NEIL3: variants seen among roughly 807,000 people sequenced by gnomAD.
NEIL3 encodes the protein nei like DNA glycosylase 3, also known as endonuclease 8-like 3.
NEIL3 carries 48 observed loss-of-function variants against 57.5 expected under a neutral mutation model. The ratio of observed to expected loss-of-function variants is 0.83; its 90% CI spans 0.66 to 1.06. The LOEUF is 1.06. NEIL3 is among the 50% of genes least tolerant of loss of function. The pLI is 0.00. For synonymous variants in NEIL3, 261 were observed against 253.2 expected (o/e 1.03, Z -0.29); for missense variants, 717 against 739.1 (o/e 0.97, Z 0.35).
intron 2 of NEIL3, among the ~76,000 whole-genome samples, chr4:177,328,995 G>A (rs565467077): frequency 4.6e-5 from 7 of 152,146 alleles, no homozygotes; most frequent in South Asian, 2.1e-4. Flanking sequence ...AGTAATATAC[G>A]TTTTGCATAT....
rs1734965641 is a variant in NEIL3 at position 177,335,772 on chromosome 4, G to T, written c.363G>T (p.Val121=). ...YKNGASPVLE[V]QLTKDLICFF... ...ATGGAGCTTCTCCTGTTTTGGAAGT[G>T]CAGCTCACCAAAGATTTGATTTGTT... Residue 121 remains valine, a synonymous_variant, in exon 3 of 10, where the codon GTG becomes GTT. Transcript: ENST00000264596. 1 of 1,587,276 alleles carries T rather than the reference G, an allele frequency of 6.3e-7. No homozygotes were observed. Among genetic ancestry groups the T allele is most frequent in the Non-Finnish European group, 8.5e-7 (1 of 1,170,352 alleles).
chr4:177,367,015 G>A (rs981202324), downstream of NEIL3, among the ~76,000 whole-genome samples: 1 of 152,010 alleles, frequency 6.6e-6, no homozygotes, highest in African/African-American at 2.4e-5. Flanking sequence ...AATTTCTGGG[G>A]TTTTTTTGCT....
intron 1 of NEIL3, among the ~76,000 whole-genome samples, chr4:177,310,691 A>T (rs1439761725): frequency 6.6e-6 from 1 of 152,244 alleles, no homozygotes; most frequent in Non-Finnish European, 1.5e-5. Context: ...TTTAAAGTAA[A>T]CTAGCACAGC....
intron 4 of NEIL3, among the ~76,000 whole-genome samples, chr4:177,339,086 G>T (rs924899535): frequency 6.6e-6 from 1 of 152,258 alleles, no homozygotes; most frequent in South Asian, 2.1e-4. Context: ...ATTCATATAC[G>T]ATTGACTCTT....
At chr4:177,366,722 C>T (rs893371856), downstream of NEIL3, among the ~76,000 whole-genome samples, 5 of 152,184 alleles carry the variant, frequency 3.3e-5, no homozygotes, top group African/African-American at 7.2e-5. Context: ...CAATCCCATA[C>T]TCTTCCTATT....
chr4:177,335,771 T>C lies in NEIL3; in HGVS notation c.362T>C (p.Val121Ala), dbSNP rs1439262493. 1.8e-5 allele frequency: 29 copies of C among 1,589,068 alleles called. No individual in the cohort carries two copies. The highest frequency in any genetic ancestry group is 2.5e-5 in the Non-Finnish European group (29 of 1,171,192). The change falls in exon 3 of 10, where the codon GTG becomes GCG. Residue 121 changes from valine to alanine, a missense_variant. Transcript: ENST00000264596. ...AATGGAGCTTCTCCTGTTTTGGAAGTGCAGCTCACCAAAGATTTGATTTGT... is the reference window on the plus strand; with the variant it reads ...AATGGAGCTTCTCCTGTTTTGGAAGCGCAGCTCACCAAAGATTTGATTTGT... ...YKNGASPVLE[V>A]QLTKDLICFF...
chr4:177,309,880 C>G lies in NEIL3; in HGVS notation c.-74C>G, dbSNP rs550033836. On this transcript the variant is annotated 5_prime_UTR_variant, in exon 1 of 10. Coordinates refer to ENST00000264596, the MANE Select transcript of NEIL3 (RefSeq NM_018248.3). ...ATTTCCTCTGCGTGCGGTCAGTGCC[C>G]GCGCAGCGTTGAGTTGCACAGCGGT... The G allele has an allele frequency of 1.3e-6, 2 of 1,530,956 alleles. No individual in the cohort carries two copies. The highest frequency in any genetic ancestry group is 1.8e-6 in the Non-Finnish European group (2 of 1,140,176). 94.8% of individuals were successfully genotyped at this position (1,530,956 alleles called of 1,614,324 possible).
intron 8 of NEIL3, among the ~76,000 whole-genome samples, chr4:177,358,640 A>G (rs1310439697): frequency 6.6e-6 from 1 of 152,154 alleles, no homozygotes; most frequent in Admixed American, 6.6e-5. Flanking sequence ...TTTTAAGGGA[A>G]GAAATGGAGT....
intron 1 of NEIL3, among the ~76,000 whole-genome samples, chr4:177,313,970 A>G (rs1266935258): frequency 6.6e-6 from 1 of 152,196 alleles, no homozygotes; most frequent in Admixed American, 6.5e-5. Flanking sequence ...AATATAAACC[A>G]GGTAGTAAAT....
chr4:177,335,928 AT>A, intron 3 of NEIL3, 106 bp downstream of exon 3: 2 of 1,177,396 alleles, frequency 1.7e-6, no homozygotes, highest in Non-Finnish European at 2.4e-6. Context: ...TTTGTAATTG[AT>A]GAAACCTCAT....
chr4:177,311,297 AT>A (rs1247935463), intron 1 of NEIL3, among the ~76,000 whole-genome samples: 22 of 152,244 alleles, frequency 1.4e-4, no homozygotes, highest in African/African-American at 4.8e-4. Flanking sequence ...AGAAATATAA[AT>A]TAATAAGTTC....
At position 177,357,741 on chromosome 4, in the gene NEIL3, T is replaced by C. The variant is rs10003102; in HGVS notation, c.1461-2762T>C. On this transcript the variant is annotated intron_variant, in intron 8 of 9. Transcript: ENST00000264596. Reference sequence around the variant, plus strand: ...AGCTTTATTTACATTTGTTTAGATATTATCTATGGCTGCTTTTTGTGATAA... The same window carrying C: ...AGCTTTATTTACATTTGTTTAGATACTATCTATGGCTGCTTTTTGTGATAA... 3.7e-3 allele frequency among the ~76,000 whole-genome samples: 565 copies of C among 152,280 alleles called. 6 individuals carry two copies. The highest frequency in any genetic ancestry group is 0.013 in the African/African-American group (527 of 41,564).
At chr4:177,352,846 G>A (rs1490956388) in intron 7 of NEIL3, among the ~76,000 whole-genome samples, 1 of 150,382 alleles carries the variant, frequency 6.6e-6, no homozygotes, top group East Asian at 1.9e-4. Flanking sequence ...AAAAAAAGAA[G>A]ATGTTAAGTC....
chr4:177,336,394 ACT>A, intron 4 of NEIL3, 73 bp downstream of exon 4: 1 of 1,134,684 alleles, frequency 8.8e-7, no homozygotes, highest in Non-Finnish European at 1.3e-6. Context: ...GGAAGCCTTA[ACT>A]CTGCATTTCA....
At chr4:177,357,534 A>T (rs1735499621) in intron 8 of NEIL3, among the ~76,000 whole-genome samples, 1 of 152,166 alleles carries the variant, frequency 6.6e-6, no homozygotes, top group Admixed American at 6.5e-5. Flanking sequence ...AAAATTACAG[A>T]TCTGTGCTTA....
downstream of NEIL3, among the ~76,000 whole-genome samples, chr4:177,364,271 G>A (rs775444602): frequency 1.3e-5 from 2 of 152,160 alleles, no homozygotes; most frequent in Non-Finnish European, 2.9e-5. Context: ...GATAACTCTA[G>A]ATTCCGGACA....
intron 8 of NEIL3, among the ~76,000 whole-genome samples, chr4:177,358,513 G>A (rs1450768928): frequency 1.3e-5 from 2 of 152,026 alleles, no homozygotes; most frequent in Non-Finnish European, 2.9e-5. Context: ...CACCATGTTG[G>A]CCAGGCTGGT....
chr4:177,322,364 G>A (rs1443968517), intron 1 of NEIL3, 95 bp from the exon 2 acceptor site: 59 of 1,502,176 alleles, frequency 3.9e-5, no homozygotes, highest in Non-Finnish European at 4.8e-5. Flanking sequence ...GCACCTGGGC[G>A]TGAAGTAATA....
At chr4:177,328,344 G>T (rs1734820793) in intron 2 of NEIL3, among the ~76,000 whole-genome samples, 1 of 152,084 alleles carries the variant, frequency 6.6e-6, no homozygotes, top group Admixed American at 6.6e-5. Context: ...ACAAACCACA[G>T]ATCCAAGAAG....
Sources: allele counts gnomAD v4.1 joint callset (sites outside exome capture counted in the v4.1 genomes callset), GRCh38; gene constraint gnomAD v4.1.1; transcripts MANE v1.5; gene names NCBI Gene and HGNC (gene_info 2026-07-23, HGNC 2026-07-21).